GRIK2: variants seen among roughly 807,000 people sequenced by gnomAD.
The protein encoded by GRIK2 is glutamate ionotropic receptor kainate type subunit 2, also known as glutamate receptor ionotropic, kainate 2.
In GRIK2, 32 loss-of-function variants were observed where a neutral mutation model predicts 100.3. The ratio of observed to expected loss-of-function variants is 0.32; its 90% CI spans 0.24 to 0.43. The LOEUF is 0.43. GRIK2 is among the 20% of genes least tolerant of loss of function. GRIK2 has a pLI of 1.00. For missense variants in GRIK2, 843 were observed against 1,114.9 expected (o/e 0.76, Z 3.47); for synonymous variants, 417 against 389.4 (o/e 1.07, Z -0.83).
chr6:102,023,267 A>G (rs1281080567), intron 14 of GRIK2, among the ~76,000 whole-genome samples: 1 of 151,440 alleles, frequency 6.6e-6, no homozygotes, highest in African/African-American at 2.4e-5. Context: ...TGTGGAAAGT[A>G]TGTTAACTAG....
rs370175425 is a variant in GRIK2, at chr6:101,595,718, GTATATA to G, written c.116-26213_116-26208del. On this transcript the variant is annotated intron_variant, in intron 2 of 16. Coordinates refer to ENST00000369134, the MANE Select transcript of GRIK2 (RefSeq NM_021956.5). Reference sequence around the variant, plus strand: ...TATATATGTGTGTGTGTGTGTGTGTGTATATATATATATATATATATATTCATACAC... The same window carrying G: ...TATATATGTGTGTGTGTGTGTGTGTGTATATATATATATATATTCATACAC... 4.3e-3 allele frequency among the ~76,000 whole-genome samples: 521 copies of G among 122,280 alleles called. 2 individuals carry two copies. Among genetic ancestry groups the G allele is most frequent in the African/African-American group, 0.014 (453 of 31,510 alleles). The allele number at this position is 122,280 out of a possible 152,430, so 80.2% of individuals were successfully genotyped here. A position where few individuals can be genotyped will look rare whatever the true frequency, so the allele number is the denominator to read the frequency against.
At chr6:102,048,886 T>C (rs1349540854) in intron 15 of GRIK2, among the ~76,000 whole-genome samples, 2 of 151,862 alleles carry the variant, frequency 1.3e-5, no homozygotes, top group Admixed American at 6.6e-5. Context: ...GAAACAAATG[T>C]CCTTTCGGAG....
At chr6:101,848,826 G>A (rs570158395) in intron 10 of GRIK2, among the ~76,000 whole-genome samples, 2 of 152,166 alleles carry the variant, frequency 1.3e-5, no homozygotes, top group African/African-American at 2.4e-5. Context: ...CTACCCAAGA[G>A]TGTTGCTTAT....
chr6:101,581,949 C>A (rs1778119326), intron 2 of GRIK2, among the ~76,000 whole-genome samples: 1 of 151,896 alleles, frequency 6.6e-6, no homozygotes, highest in African/African-American at 2.4e-5. Context: ...TATAATAATC[C>A]CCACATGTCA....
At chr6:101,440,760 G>A (rs551741097) in intron 2 of GRIK2, among the ~76,000 whole-genome samples, 17 of 152,208 alleles carry the variant, frequency 1.1e-4, no homozygotes, top group Middle Eastern at 3.4e-3. Context: ...CTGTTTGAGG[G>A]TTTAAAGCAG....
chr6:101,399,329 A>G lies in GRIK2; in HGVS notation c.52A>G (p.Lys18Glu), dbSNP rs756259854. The change falls in exon 2 of 17, where the codon AAA becomes GAA. Residue 18 changes from lysine (K) to glutamate (E), a missense_variant. Physicochemically the swap from Lys to Glu is moderately conservative, Grantham distance 56. Transcript: ENST00000369134. ...LSNPVFRRTV[K>E]LLLCLLWIGY... The stretch of plus-strand genomic sequence containing the variant: ...TAATCCAGTCTTCAGGCGCACCGTT[A>G]AACTCCTGCTCTGTTTACTGTGGAT... 1.2e-6 allele frequency: 2 copies of G among 1,600,160 alleles called. No homozygotes were observed. The highest frequency in any genetic ancestry group is 2.2e-5 in the South Asian group (2 of 90,732).
intron 2 of GRIK2, among the ~76,000 whole-genome samples, chr6:101,555,428 C>G (rs935909825): frequency 6.6e-5 from 10 of 152,172 alleles, no homozygotes; most frequent in Admixed American, 1.3e-4. Flanking sequence ...TAGTTCTTGG[C>G]TCTTCCTTTC....
At chr6:101,802,296 A>T (rs370345986) in intron 8 of GRIK2, 35 bp from the exon 9 acceptor site, 295 of 828,614 alleles carry the variant, frequency 3.6e-4, no homozygotes, top group Non-Finnish European at 5.3e-4. Flanking sequence ...ATCTTTCTTC[A>T]CTTATTTATT....
At chr6:102,002,944 A>C (rs1795029195) in intron 14 of GRIK2, among the ~76,000 whole-genome samples, 1 of 151,226 alleles carries the variant, frequency 6.6e-6, no homozygotes, top group Non-Finnish European at 1.5e-5. Context: ...TGATTTGTAT[A>C]CTTAAGTTCT....
At chr6:101,667,012 T>C (rs1770080516) in intron 4 of GRIK2, among the ~76,000 whole-genome samples, 2 of 152,310 alleles carry the variant, frequency 1.3e-5, no homozygotes, top group Non-Finnish European at 2.9e-5. Flanking sequence ...GGGAGAAAAC[T>C]AAAGTTTAAA....
intron 2 of GRIK2, among the ~76,000 whole-genome samples, chr6:101,402,221 A>G (rs897125024): frequency 4.6e-5 from 7 of 151,852 alleles, no homozygotes; most frequent in Non-Finnish European, 8.8e-5. Flanking sequence ...CCCTCTCTGT[A>G]TGGCACACAC....
chr6:101,461,189 T>C (rs1209489074), intron 2 of GRIK2, among the ~76,000 whole-genome samples: 3 of 152,242 alleles, frequency 2.0e-5, no homozygotes, highest in African/African-American at 7.2e-5. Context: ...TTTGCTGATA[T>C]AACAATTACT....
intron 14 of GRIK2, among the ~76,000 whole-genome samples, chr6:101,980,452 A>G (rs886746348): frequency 6.6e-6 from 1 of 151,926 alleles, no homozygotes; most frequent in African/African-American, 2.4e-5. Context: ...AAAGCAGGGG[A>G]GGAATATAAG....
intron 10 of GRIK2, among the ~76,000 whole-genome samples, chr6:101,828,154 AC>A (rs1213339723): frequency 6.6e-6 from 1 of 152,060 alleles, no homozygotes; most frequent in East Asian, 1.9e-4. Context: ...ATACATAGAA[AC>A]TAAACAACCT....
chr6:101,701,276 G>T (rs1484655036), intron 7 of GRIK2, among the ~76,000 whole-genome samples: 1 of 152,046 alleles, frequency 6.6e-6, no homozygotes, highest in Non-Finnish European at 1.5e-5. Context: ...TTTAAGTAGT[G>T]TTGAATGTCA....
At chr6:101,698,430 A>T (rs1344308206) in intron 7 of GRIK2, among the ~76,000 whole-genome samples, 3 of 152,108 alleles carry the variant, frequency 2.0e-5, no homozygotes. Context: ...CTGCTTTATT[A>T]TGCAGAGGAA....
intron 14 of GRIK2, among the ~76,000 whole-genome samples, chr6:101,988,132 T>TGTGTGC (rs1231517176): frequency 1.9e-3 from 57 of 29,508 alleles, no homozygotes; most frequent in Non-Finnish European, 2.8e-3. Flanking sequence ...TGTGTGTGTG[T>TGTGTGC]GCGCGCGCGC....
At chr6:101,589,021 G>A (rs142294962) in intron 2 of GRIK2, among the ~76,000 whole-genome samples, 1 of 152,142 alleles carries the variant, frequency 6.6e-6, no homozygotes, top group East Asian at 1.9e-4. Context: ...TAATGATTAT[G>A]TCATTTATAA....
chr6:101,856,046 T>C (rs1784409424), intron 10 of GRIK2, among the ~76,000 whole-genome samples: 1 of 152,170 alleles, frequency 6.6e-6, no homozygotes. Context: ...TTGTGAAGCC[T>C]TTCACCAAGA....
Sources: allele counts gnomAD v4.1 joint callset (sites outside exome capture counted in the v4.1 genomes callset), GRCh38; gene constraint gnomAD v4.1.1; transcripts MANE v1.5; gene names NCBI Gene and HGNC (gene_info 2026-07-23, HGNC 2026-07-21).